The following CNTNAP2 variants were observed in gnomAD, a reference collection of about 807,000 sequenced individuals.
CNTNAP2 encodes the protein contactin-associated protein-like 2.
In CNTNAP2, 98 loss-of-function variants were observed where a neutral mutation model predicts 155.2. The ratio of observed to expected loss-of-function variants is 0.63; its 90% CI spans 0.54 to 0.75. CNTNAP2 has a LOEUF of 0.75. Ranked by LOEUF, CNTNAP2 falls within the 30% of genes least tolerant of loss-of-function variation. The probability of loss-of-function intolerance (pLI) is 0.00; values close to 1 mark genes in which losing one functional copy is unlikely to be tolerated. For synonymous variants in CNTNAP2, 651 were observed against 631.2 expected (o/e 1.03, Z -0.47); for missense variants, 1,727 against 1,688.1 (o/e 1.02, Z -0.40).
intron 21 of CNTNAP2, among the ~76,000 whole-genome samples, chr7:148,268,105 T>G (rs1239318924): frequency 1.3e-5 from 2 of 152,166 alleles, no homozygotes; most frequent in African/African-American, 4.8e-5. Flanking sequence ...ACACCCTAAA[T>G]TTTTAAAATA....
intron 4 of CNTNAP2, chr7:147,082,095 A>C (rs1305594518): frequency 6.6e-6 from 1 of 152,184 alleles, no homozygotes; most frequent in African/African-American, 2.4e-5. Flanking sequence ...AGTGCTAGGA[A>C]AAAAAAGAAA....
chr7:146,930,677 T>C, intron 3 of CNTNAP2, among the ~76,000 whole-genome samples: 1 of 152,166 alleles, frequency 6.6e-6, no homozygotes, highest in East Asian at 1.9e-4. Context: ...CAGTGTGCTG[T>C]ATTCAGGAAA....
chr7:147,956,268 T>C (rs1801014905), intron 14 of CNTNAP2, among the ~76,000 whole-genome samples: 1 of 146,370 alleles, frequency 6.8e-6, no homozygotes, highest in Admixed American at 7.1e-5. Flanking sequence ...CTTTGGAGAA[T>C]ATCTCAAGAT....
chr7:147,713,560 T>C (rs928604589), intron 13 of CNTNAP2, among the ~76,000 whole-genome samples: 5 of 152,204 alleles, frequency 3.3e-5, no homozygotes, highest in African/African-American at 1.2e-4. Flanking sequence ...GGAGAACGTT[T>C]GGGTAATTTC....
At chr7:147,116,604 G>C (rs1277459037) in intron 5 of CNTNAP2, among the ~76,000 whole-genome samples, 1 of 152,212 alleles carries the variant, frequency 6.6e-6, no homozygotes, top group Non-Finnish European at 1.5e-5. Flanking sequence ...AAACAGCTAT[G>C]TTGTGGTGAG....
chr7:147,782,460 G>C (rs1325893608), intron 13 of CNTNAP2, among the ~76,000 whole-genome samples: 2 of 152,110 alleles, frequency 1.3e-5, no homozygotes, highest in Non-Finnish European at 2.9e-5. Flanking sequence ...GGGAGGCTGG[G>C]AAGTCCAAAA....
chr7:147,860,025 A>G (rs764868219), intron 13 of CNTNAP2, among the ~76,000 whole-genome samples: 2 of 152,112 alleles, frequency 1.3e-5, no homozygotes, highest in Admixed American at 1.3e-4. Flanking sequence ...TGTAATTTCC[A>G]TGTGTCAAGG....
intron 15 of CNTNAP2, among the ~76,000 whole-genome samples, chr7:148,098,212 G>C (rs113778143): frequency 0.057 from 8,742 of 152,064 alleles, 573 homozygotes; most frequent in African/African-American, 0.16. Flanking sequence ...TTGGGAGGCT[G>C]AGGAGGGCAG....
At chr7:147,037,637 A>AC (rs1198682610) in intron 3 of CNTNAP2, among the ~76,000 whole-genome samples, 1 of 151,504 alleles carries the variant, frequency 6.6e-6, no homozygotes, top group African/African-American at 2.4e-5. Flanking sequence ...AATTTTTTGT[A>AC]TTTTTGGCAG....
At chr7:148,003,741 A>G (rs1222830404) in intron 15 of CNTNAP2, among the ~76,000 whole-genome samples, 1 of 152,234 alleles carries the variant, frequency 6.6e-6, no homozygotes, top group Non-Finnish European at 1.5e-5. Context: ...AGTTTAGATA[A>G]AGATTTATCC....
intron 1 of CNTNAP2, among the ~76,000 whole-genome samples, chr7:146,573,898 G>T (rs982329716): frequency 6.6e-6 from 1 of 152,098 alleles, no homozygotes; most frequent in Admixed American, 6.5e-5. Context: ...TGAGATAGGT[G>T]TAAAAAAATG....
intron 16 of CNTNAP2, among the ~76,000 whole-genome samples, chr7:148,146,331 G>C (rs1264753189): frequency 6.6e-6 from 1 of 152,222 alleles, no homozygotes; most frequent in African/African-American, 2.4e-5. Context: ...AGACGTGTGT[G>C]CTGCTTCAGC....
chr7:147,802,198 T>G (rs1798008892), intron 13 of CNTNAP2, among the ~76,000 whole-genome samples: 1 of 135,814 alleles, frequency 7.4e-6, no homozygotes, highest in Non-Finnish European at 1.5e-5. Context: ...GCAGAGGTGC[T>G]CCCCACATCT....
At chr7:147,671,491 C>T (rs1226319725) in intron 13 of CNTNAP2, among the ~76,000 whole-genome samples, 3 of 151,808 alleles carry the variant, frequency 2.0e-5, no homozygotes, top group Admixed American at 1.3e-4. Flanking sequence ...TGTCCAGTGA[C>T]GTTTATCTGA....
At chr7:147,741,720 C>A (rs1275411307) in intron 13 of CNTNAP2, among the ~76,000 whole-genome samples, 1 of 151,234 alleles carries the variant, frequency 6.6e-6, no homozygotes, top group Non-Finnish European at 1.5e-5. Flanking sequence ...AAAGCTACCC[C>A]CTCAAAAAAG....
chr7:148,165,845 CA>C (rs1805646507), intron 17 of CNTNAP2, among the ~76,000 whole-genome samples: 1 of 152,188 alleles, frequency 6.6e-6, no homozygotes, highest in Non-Finnish European at 1.5e-5. Context: ...ACGTCCTCAT[CA>C]TCATTTTACA....
intron 15 of CNTNAP2, among the ~76,000 whole-genome samples, chr7:147,999,702 A>G (rs903676047): frequency 3.3e-5 from 5 of 152,130 alleles, no homozygotes; most frequent in African/African-American, 9.7e-5. Context: ...CTAACCCTAT[A>G]TGACCGGTGC....
At chr7:147,932,181 C>T (rs1228858609) in intron 14 of CNTNAP2, among the ~76,000 whole-genome samples, 2 of 152,120 alleles carry the variant, frequency 1.3e-5, no homozygotes, top group Non-Finnish European at 2.9e-5. Flanking sequence ...CCACTGTGCC[C>T]GCCCCAGCAT....
Position 147,217,950 on chromosome 7 carries a change from C to T in CNTNAP2, c.1349-82191C>T, listed in dbSNP as rs181033085. Among the ~76,000 whole-genome samples the T allele has an allele frequency of 2.7e-3, 404 of 151,914 alleles. 1 individual carries two copies. Among genetic ancestry groups the T allele is most frequent in the African/African-American group, 9.1e-3 (376 of 41,510 alleles). Reference sequence around the variant, plus strand: ...TGGACATAGACTTGTTCATAATATTCGTTATCTTTTAAATGTCCATGAGAT... The same window carrying T: ...TGGACATAGACTTGTTCATAATATTTGTTATCTTTTAAATGTCCATGAGAT... On this transcript the variant is annotated intron_variant, in intron 8 of 23. Coordinates refer to ENST00000361727, the MANE Select transcript of CNTNAP2 (RefSeq NM_014141.6).
Sources: allele counts gnomAD v4.1 joint callset (sites outside exome capture counted in the v4.1 genomes callset), GRCh38; gene constraint gnomAD v4.1.1; transcripts MANE v1.5; gene names NCBI Gene and HGNC (gene_info 2026-07-23, HGNC 2026-07-21).